The following MYO10 variants were observed in gnomAD, a reference collection of about 807,000 sequenced individuals.
MYO10 encodes the protein myosin X.
Under a neutral mutation model 257.3 loss-of-function variants are expected in MYO10, and 133 were observed. The observed-to-expected ratio is 0.52, with a 90% CI of 0.45 to 0.60. MYO10 has a LOEUF of 0.60. Among genes scored for constraint, MYO10 ranks in the 20% least tolerant of loss-of-function variants. The probability of loss-of-function intolerance (pLI) is 0.00; values close to 1 mark genes in which losing one functional copy is unlikely to be tolerated. For synonymous variants in MYO10, 1,104 were observed against 1,028.6 expected (o/e 1.07, Z -1.40); for missense variants, 2,399 against 2,635.7 (o/e 0.91, Z 1.97).
chr5:16,675,729 C>A (rs1736693724), intron 34 of MYO10, among the ~76,000 whole-genome samples: 3 of 152,060 alleles, frequency 2.0e-5, no homozygotes, highest in African/African-American at 7.2e-5. Flanking sequence ...CAGAGTAAGA[C>A]TCTGTCTCAA....
Position 16,685,751 on chromosome 5 carries a change from G to A in MYO10, c.3977C>T (p.Pro1326Leu). Residue 1326 changes from proline (P) to leucine (L), a missense_variant, in exon 29 of 41, where the codon CCA becomes CTA. Physicochemically the swap from Pro to Leu is moderately conservative, Grantham distance 98. Coordinates refer to ENST00000513610, the MANE Select transcript of MYO10 (RefSeq NM_012334.3). ...GTGCTCCCGTACCACAGCATTCTGT[G>A]GGTTTGCCTGCTCATCATGCATCTC... Reference protein sequence around the residue: ...IQEMHDEQANPQNAVGTLDVG... With the variant: ...IQEMHDEQANLQNAVGTLDVG... 1 of 1,551,210 alleles carries A rather than the reference G, an allele frequency of 6.4e-7. No individual in the cohort carries two copies. Among genetic ancestry groups the A allele is most frequent in the Non-Finnish European group, 8.7e-7 (1 of 1,143,684 alleles).
chr5:16,665,207 G>GAAAGA lies in MYO10; in HGVS notation c.*1484_*1485insTCTTT, dbSNP rs1736105299. The GAAAGA allele has an allele frequency of 2.3e-5, 3 of 128,224 alleles. No homozygotes were observed. The highest frequency in any genetic ancestry group is 1.6e-4 in the Admixed American group (2 of 12,764). The allele number at this position is 128,224 out of a possible 1,614,324, so 7.9% of individuals were successfully genotyped here. Reference sequence around the variant, plus strand: ...AACAGAGTGAGACTCTGTCTCTAAAGAAAAAAAAAAAAAACCACCAAAAAG... The same window carrying GAAAGA: ...AACAGAGTGAGACTCTGTCTCTAAAGAAAGAAAAAAAAAAAAAAACCACCAAAAAG... On this transcript the variant is annotated 3_prime_UTR_variant, in exon 41 of 41. Coordinates refer to ENST00000513610, the MANE Select transcript of MYO10 (RefSeq NM_012334.3).
chr5:16,780,781 A>C, intron 6 of MYO10, 40 bp from the exon 7 acceptor site: 1 of 1,552,258 alleles, frequency 6.4e-7, no homozygotes, highest in Non-Finnish European at 8.7e-7. Flanking sequence ...GAAAAAAACA[A>C]AGCTATGTGC....
At chr5:16,884,813 G>A (rs1054969649) in intron 1 of MYO10, among the ~76,000 whole-genome samples, 3 of 151,984 alleles carry the variant, frequency 2.0e-5, no homozygotes, top group African/African-American at 7.2e-5. Context: ...CGGTGCTATT[G>A]ACATTGTGGA....
rs70940395 is a variant in MYO10, at chr5:16,663,328, G to GTTTTTTTTTTTTTTT, written c.*3349_*3363dup. The stretch of plus-strand genomic sequence containing the variant: ...AAAAAGTAACATTTTACTTCTAGTT[G>GTTTTTTTTTTTTTTT]TTTTTTTTTTTTTTTTTTTTTTTTT... On this transcript the variant is annotated 3_prime_UTR_variant, in exon 41 of 41. Transcript: ENST00000513610. The GTTTTTTTTTTTTTTT allele has an allele frequency of 5.2e-5, 4 of 76,888 alleles. 1 individual carries two copies. The highest frequency in any genetic ancestry group is 2.6e-4 in the African/African-American group (4 of 15,522). 4.8% of individuals were successfully genotyped at this position (76,888 alleles called of 1,614,324 possible).
intron 26 of MYO10, among the ~76,000 whole-genome samples, chr5:16,696,837 C>T (rs2126537003): frequency 7.9e-6 from 1 of 126,968 alleles, no homozygotes; most frequent in African/African-American, 3.1e-5. Flanking sequence ...GCCTGGGTGA[C>T]AGAGCGAGAC....
chr5:16,724,593 C>T (rs557028915), intron 19 of MYO10, among the ~76,000 whole-genome samples: 3 of 151,966 alleles, frequency 2.0e-5, no homozygotes, highest in South Asian at 4.2e-4. Flanking sequence ...TCACATGACA[C>T]GACTGGAATG....
intron 19 of MYO10, among the ~76,000 whole-genome samples, chr5:16,752,834 C>A (rs1243792737): frequency 6.6e-6 from 1 of 152,152 alleles, no homozygotes; most frequent in Non-Finnish European, 1.5e-5. Context: ...GATGTTCCAA[C>A]TATTAATTTC....
chr5:16,922,107 G>C (rs907624132), intron 1 of MYO10, among the ~76,000 whole-genome samples: 2 of 151,906 alleles, frequency 1.3e-5, no homozygotes, highest in African/African-American at 4.8e-5. Context: ...CCAGCTACTC[G>C]GGAGGCTGAG....
At chr5:16,877,465 A>G (rs999995177) in intron 2 of MYO10, 144 bp downstream of exon 2, 3 of 632,680 alleles carry the variant, frequency 4.7e-6, no homozygotes, top group Non-Finnish European at 8.4e-6. Context: ...TACATTCTAC[A>G]TTCCCACTGG....
intron 19 of MYO10, among the ~76,000 whole-genome samples, chr5:16,752,516 CAA>C (rs1293053366): frequency 6.6e-6 from 1 of 152,160 alleles, no homozygotes; most frequent in Non-Finnish European, 1.5e-5. Flanking sequence ...TTTCTGACGT[CAA>C]GTCATCCAAC....
At chr5:16,668,251 A>G (rs1266398990) in intron 40 of MYO10, 26 bp downstream of exon 40, 3 of 1,581,668 alleles carry the variant, frequency 1.9e-6, no homozygotes, top group Non-Finnish European at 2.6e-6. Flanking sequence ...CCATGAATAA[A>G]AAGATGAACT....
At position 16,818,257 on chromosome 5, in the gene MYO10, A is replaced by G. The variant is rs141859003; in HGVS notation, c.121-90T>C. On this transcript the variant is annotated intron_variant, in intron 2 of 40. Coordinates refer to ENST00000513610, the MANE Select transcript of MYO10 (RefSeq NM_012334.3). Reference sequence around the variant, plus strand: ...CCCAAACTGACAATACAATCTCAGTATAATTTCAGGAAAAAGATTCTAAAT... The same window carrying G: ...CCCAAACTGACAATACAATCTCAGTGTAATTTCAGGAAAAAGATTCTAAAT... 5.9e-5 allele frequency: 66 copies of G among 1,118,598 alleles called. No individual in the cohort carries two copies. The East Asian group carries it at 1.4e-3, about 23-fold the overall frequency. The allele number at this position is 1,118,598 out of a possible 1,614,324, so 69.3% of individuals were successfully genotyped here.
intron 1 of MYO10, among the ~76,000 whole-genome samples, chr5:16,909,721 C>G (rs775481670): frequency 1.8e-4 from 27 of 152,034 alleles, no homozygotes; most frequent in Non-Finnish European, 3.4e-4. Flanking sequence ...CCTACCAAGT[C>G]GCATGTTGAC....
chr5:16,882,466 G>T (rs918439155), intron 1 of MYO10, among the ~76,000 whole-genome samples: 1 of 136,964 alleles, frequency 7.3e-6, no homozygotes, highest in South Asian at 2.4e-4. Flanking sequence ...ATTCATAGCA[G>T]CAATATTCTT....
chr5:16,842,814 G>C (rs1341488454), intron 2 of MYO10, among the ~76,000 whole-genome samples: 4 of 151,448 alleles, frequency 2.6e-5, no homozygotes, highest in African/African-American at 7.3e-5. Context: ...TAGATTGCTT[G>C]AGCCTGGAGT....
intron 19 of MYO10, among the ~76,000 whole-genome samples, chr5:16,742,415 G>A (rs1454880323): frequency 6.6e-6 from 1 of 152,134 alleles, no homozygotes; most frequent in Non-Finnish European, 1.5e-5. Context: ...AGGTAAAAAG[G>A]CAGCTTTTTA....
At chr5:16,792,833 G>A (rs1030854537) in intron 4 of MYO10, among the ~76,000 whole-genome samples, 5 of 152,094 alleles carry the variant, frequency 3.3e-5, no homozygotes, top group African/African-American at 1.2e-4. Context: ...CCACTGAATC[G>A]GAAATCCGGA....
intron 33 of MYO10, among the ~76,000 whole-genome samples, chr5:16,677,170 A>T (rs189601912): frequency 4.1e-4 from 62 of 152,312 alleles, no homozygotes; most frequent in Non-Finnish European, 8.4e-4. Context: ...GAAAAGTTGG[A>T]GGAGAGGTAA....
Sources: gnomAD v4.1 joint callset for allele counts (sites outside exome capture counted in the v4.1 genomes callset) on GRCh38, gnomAD v4.1.1 for gene constraint, MANE v1.5 for transcripts, NCBI Gene and HGNC (gene_info 2026-07-23, HGNC 2026-07-21) for gene names.